ADARB2: variants seen among roughly 807,000 people sequenced by gnomAD.
ADARB2 encodes inactive double-stranded RNA-specific editase B2.
A neutral mutation model predicts 62.2 loss-of-function variants in ADARB2; 25 were observed. The ratio of observed to expected loss-of-function variants is 0.40; its 90% CI spans 0.29 to 0.56. The LOEUF is 0.56. Among genes scored for constraint, ADARB2 ranks in the 20% least tolerant of loss-of-function variants. The pLI is 0.43. For synonymous variants in ADARB2, 572 were observed against 500.8 expected (o/e 1.14, Z -1.90); for missense variants, 1,071 against 1,077.4 (o/e 0.99, Z 0.08).
chr10:1,578,075 G>C (rs144607738), intron 1 of ADARB2, among the ~76,000 whole-genome samples: 1 of 152,174 alleles, frequency 6.6e-6, no homozygotes, highest in East Asian at 1.9e-4. Context: ...CCCCATCTGC[G>C]GGGCTTCTTT....
intron 1 of ADARB2, among the ~76,000 whole-genome samples, chr10:1,611,926 C>G (rs1279404252): frequency 2.0e-5 from 3 of 152,124 alleles, no homozygotes; most frequent in African/African-American, 7.2e-5. Context: ...GGGGCCTCTT[C>G]CCGCCCCCAC....
At chr10:1,396,432 C>A (rs561090146) in intron 1 of ADARB2, among the ~76,000 whole-genome samples, 1 of 152,180 alleles carries the variant, frequency 6.6e-6, no homozygotes, top group South Asian at 2.1e-4. Flanking sequence ...TTACTTCCAT[C>A]ATTCATTTGT....
chr10:1,479,431 C>T (rs543249809), intron 1 of ADARB2, among the ~76,000 whole-genome samples: 24 of 152,242 alleles, frequency 1.6e-4, no homozygotes, highest in African/African-American at 2.4e-4. Flanking sequence ...CTTCAGGGCC[C>T]GGACAGCAGA....
chr10:1,362,419 T>A (rs1202403520), intron 3 of ADARB2, among the ~76,000 whole-genome samples: 1 of 152,244 alleles, frequency 6.6e-6, no homozygotes, highest in Non-Finnish European at 1.5e-5. Context: ...CTCCAACCGG[T>A]AACGCCCAGA....
intron 1 of ADARB2, among the ~76,000 whole-genome samples, chr10:1,416,513 C>G (rs746602840): frequency 2.0e-4 from 31 of 152,256 alleles, no homozygotes; most frequent in Non-Finnish European, 4.3e-4. Flanking sequence ...GTCTCTCTCC[C>G]TCTGTTGATT....
intron 1 of ADARB2, among the ~76,000 whole-genome samples, chr10:1,406,693 C>T (rs1298541523): frequency 1.3e-5 from 2 of 152,178 alleles, no homozygotes; most frequent in Non-Finnish European, 2.9e-5. Flanking sequence ...CCCTGGCACC[C>T]CTTGTGACTG....
intron 1 of ADARB2, among the ~76,000 whole-genome samples, chr10:1,510,142 TTCTTTCTTTCTTTC>T (rs1831914742): frequency 2.8e-5 from 4 of 145,246 alleles, no homozygotes; most frequent in African/African-American, 1.1e-4. Context: ...CTTTCTTTCT[TTCTTTCTTTCTTTC>T]TTTCTTTCTT....
intron 1 of ADARB2, among the ~76,000 whole-genome samples, chr10:1,403,337 C>G (rs1380789906): frequency 6.6e-6 from 1 of 152,194 alleles, no homozygotes; most frequent in Non-Finnish European, 1.5e-5. Flanking sequence ...GGGGCAATCA[C>G]GATGTCTCTT....
intron 1 of ADARB2, among the ~76,000 whole-genome samples, chr10:1,575,886 C>A (rs1328728853): frequency 6.6e-6 from 1 of 152,174 alleles, no homozygotes; most frequent in Non-Finnish European, 1.5e-5. Flanking sequence ...CCCTTCCTGT[C>A]AGAGAGCCCA....
At chr10:1,714,243 G>A (rs1834987613) in intron 1 of ADARB2, among the ~76,000 whole-genome samples, 3 of 152,188 alleles carry the variant, frequency 2.0e-5, no homozygotes, top group South Asian at 4.1e-4. Context: ...GATTGCGTTC[G>A]CAGCTGTCAT....
chr10:1,247,536 C>T (rs557534018), intron 4 of ADARB2, among the ~76,000 whole-genome samples: 19 of 152,142 alleles, frequency 1.2e-4, no homozygotes, highest in Middle Eastern at 3.4e-3. Context: ...TGGGGCTGAC[C>T]GATTTAATTT....
chr10:1,269,437 A>G (rs1292721472), intron 4 of ADARB2, among the ~76,000 whole-genome samples: 1 of 152,218 alleles, frequency 6.6e-6, no homozygotes, highest in Non-Finnish European at 1.5e-5. Context: ...GCCATTACCA[A>G]TAATTAACTA....
chr10:1,336,152 G>A (rs551860723), intron 3 of ADARB2, among the ~76,000 whole-genome samples: 4 of 152,284 alleles, frequency 2.6e-5, no homozygotes, highest in African/African-American at 9.6e-5. Context: ...AGTGATTCTT[G>A]GCTTTGGGCT....
intron 1 of ADARB2, among the ~76,000 whole-genome samples, chr10:1,674,106 C>T (rs1834429989): frequency 6.6e-6 from 1 of 152,242 alleles, no homozygotes; most frequent in Admixed American, 6.5e-5. Flanking sequence ...TGCAAGGAGG[C>T]CACTGGGAAC....
At chr10:1,190,240 G>A (rs1011000658) in intron 8 of ADARB2, among the ~76,000 whole-genome samples, 4 of 152,198 alleles carry the variant, frequency 2.6e-5, no homozygotes, top group South Asian at 2.1e-4. Context: ...GGACAAACAC[G>A]TACACGTGCT....
At chr10:1,600,759 C>T (rs778724810) in intron 1 of ADARB2, among the ~76,000 whole-genome samples, 1 of 151,048 alleles carries the variant, frequency 6.6e-6, no homozygotes, top group Non-Finnish European at 1.5e-5. Flanking sequence ...CCATTGATTT[C>T]CACTCTCCCA....
intron 3 of ADARB2, among the ~76,000 whole-genome samples, chr10:1,320,022 G>GCTGTA (rs1232103775): frequency 6.6e-5 from 10 of 152,140 alleles, no homozygotes; most frequent in African/African-American, 1.9e-4. Flanking sequence ...CTACAGCATT[G>GCTGTA]GGGCTATGCT....
intron 1 of ADARB2, among the ~76,000 whole-genome samples, chr10:1,679,729 A>G (rs887279339): frequency 2.0e-5 from 3 of 152,188 alleles, no homozygotes; most frequent in Non-Finnish European, 4.4e-5. Context: ...GCGGCGTCTA[A>G]GCCACTGTGC....
At position 1,658,428 on chromosome 10, in the gene ADARB2, TTC is replaced by T. The variant is rs372717995; in HGVS notation, c.100+78621_100+78622del. ...TCTATCTGATACTGTCTCTGTCTGA[TTC>T]TCTCTGTTTTTCTCTCTCTGTGTAT... is the stretch of plus-strand genomic sequence containing the variant. On this transcript the variant is annotated intron_variant, in intron 1 of 9. Transcript: ENST00000381312. Among the ~76,000 whole-genome samples, 422 of 152,216 alleles carry T rather than the reference TTC, an allele frequency of 2.8e-3. 3 individuals carry two copies. The highest frequency in any genetic ancestry group is 8.5e-3 in the East Asian group (44 of 5,182).
Sources: allele counts gnomAD v4.1 joint callset (sites outside exome capture counted in the v4.1 genomes callset), GRCh38; gene constraint gnomAD v4.1.1; transcripts MANE v1.5; gene names NCBI Gene and HGNC (gene_info 2026-07-23, HGNC 2026-07-21).